Variants in INSL6 observed in about 807,000 individuals in gnomAD.
The protein encoded by INSL6 is insulin-like peptide INSL6.
INSL6 carries 16 observed loss-of-function variants against 9.4 expected under a neutral mutation model. The observed-to-expected ratio is 1.70, with a 90% CI of 1.15 to 2.59. INSL6 has a LOEUF of 2.59. INSL6 is among the 30% of genes most tolerant of loss of function. INSL6 has a pLI of 0.00. For missense variants in INSL6, 391 were observed against 257.3 expected, an observed-to-expected ratio of 1.52 and a Z score of -3.56; for synonymous variants, 154 against 96.9, an observed-to-expected ratio of 1.59 and a Z score of -3.46.
intron 1 of INSL6, among the ~76,000 whole-genome samples, chr9:5,166,396 T>C (rs1237430946): frequency 6.6e-6 from 1 of 152,184 alleles, no homozygotes; most frequent in African/African-American, 2.4e-5. Flanking sequence ...AATAACTTTT[T>C]ATTTAATTAA....
At chr9:5,097,353 T>C in the INSL6 span, 1 of 152,196 alleles carries the variant, frequency 6.6e-6, no homozygotes, top group African/African-American at 2.4e-5. Flanking sequence ...TATATCAACA[T>C]TTATTCTGAT....
At chr9:5,077,678 G>T in the INSL6 span, 1 of 699,356 alleles carries the variant, frequency 1.4e-6, no homozygotes, top group Non-Finnish European at 2.2e-6. Context: ...ATCTGTAATT[G>T]GATGCCAATT....
At chr9:5,183,728 C>G (rs1294161878) in intron 1 of INSL6, among the ~76,000 whole-genome samples, 1 of 151,898 alleles carries the variant, frequency 6.6e-6, no homozygotes, top group African/African-American at 2.4e-5. Flanking sequence ...AGGGAAGGCT[C>G]TCCTTGCACT....
the INSL6 span, among the ~76,000 whole-genome samples, chr9:5,102,769 C>G: frequency 6.6e-6 from 1 of 152,114 alleles, no homozygotes; most frequent in Admixed American, 6.5e-5. Flanking sequence ...ACTTTTCAAC[C>G]CAGAATTTCA....
the INSL6 span, chr9:5,041,784 C>T: frequency 4.1e-6 from 2 of 487,300 alleles, no homozygotes; most frequent in Admixed American, 2.3e-5. Flanking sequence ...CCAGCCTCAG[C>T]TTCGGGACAA....
chr9:5,112,529 C>T, the INSL6 span: 1 of 587,378 alleles, frequency 1.7e-6, no homozygotes, highest in South Asian at 2.3e-5. Flanking sequence ...GAGCAGAAGG[C>T]CGAGTGGGAG....
the INSL6 span, chr9:5,094,246 G>A: frequency 0.33 from 50,068 of 151,924 alleles, 8,487 homozygotes; most frequent in African/African-American, 0.42. Context: ...CTTTTCACCA[G>A]AGAACCCTTA....
At chr9:5,059,258 A>G in the INSL6 span, among the ~76,000 whole-genome samples, 1 of 152,202 alleles carries the variant, frequency 6.6e-6, no homozygotes, top group Non-Finnish European at 1.5e-5. Flanking sequence ...TAAGATACCT[A>G]TCATCTACCA....
At chr9:5,037,441 A>G in the INSL6 span, among the ~76,000 whole-genome samples, 1 of 152,238 alleles carries the variant, frequency 6.6e-6, no homozygotes, top group Non-Finnish European at 1.5e-5. Flanking sequence ...ACAATAACAA[A>G]GACTTGGAAC....
the INSL6 span, chr9:5,111,631 CG>C: frequency 5.3e-5 from 20 of 375,394 alleles, 1 homozygote; most frequent in African/African-American, 4.1e-4. Context: ...CCATGCTGGG[CG>C]GGGGCTCATG....
chr9:5,066,804 C>G, the INSL6 span: 19 of 1,189,702 alleles, frequency 1.6e-5, no homozygotes, highest in South Asian at 1.7e-4. Context: ...GTATGTCACA[C>G]TTATTAGTGG....
chr9:5,034,221 G>A, the INSL6 span, among the ~76,000 whole-genome samples: 1 of 152,070 alleles, frequency 6.6e-6, no homozygotes, highest in African/African-American at 2.4e-5. Flanking sequence ...CCCAATACAG[G>A]AGCACCCAGA....
chr9:5,050,330 C>T, the INSL6 span, among the ~76,000 whole-genome samples: 1 of 152,158 alleles, frequency 6.6e-6, no homozygotes, highest in Admixed American at 6.5e-5. Flanking sequence ...GGGTCTTGGT[C>T]TGTTACCCAG....
At chr9:5,111,619 C>G in the INSL6 span, 1 of 374,136 alleles carries the variant, frequency 2.7e-6, no homozygotes, top group Non-Finnish European at 5.2e-6. Context: ...TGGGCTTTGG[C>G]CCCATGCTGG....
chr9:5,167,370 C>T (rs747511014), intron 1 of INSL6, among the ~76,000 whole-genome samples: 38 of 152,214 alleles, frequency 2.5e-4, no homozygotes, highest in Non-Finnish European at 4.9e-4. Flanking sequence ...ACTGAGACCA[C>T]GAGTTCCTGG....
chr9:5,081,463 G>A, the INSL6 span, among the ~76,000 whole-genome samples: 1 of 152,046 alleles, frequency 6.6e-6, no homozygotes, highest in Non-Finnish European at 1.5e-5. Flanking sequence ...ATAAGTATCA[G>A]TATATTACCT....
chr9:5,051,092 A>G, the INSL6 span, among the ~76,000 whole-genome samples: 2 of 152,320 alleles, frequency 1.3e-5, no homozygotes, highest in African/African-American at 4.8e-5. Context: ...TTGACGTTCA[A>G]AAAGTTCTGG....
At chr9:5,037,786 A>G in the INSL6 span, among the ~76,000 whole-genome samples, 7 of 152,186 alleles carry the variant, frequency 4.6e-5, no homozygotes, top group Non-Finnish European at 1.0e-4. Context: ...CAGCACACCA[A>G]CATGGCACAT....
At chr9:5,114,932 AAAACAAAC>A in the INSL6 span, 514 of 178,384 alleles carry the variant, frequency 2.9e-3, 9 homozygotes, top group Admixed American at 0.029. Context: ...GCCTGCTCAG[AAAACAAAC>A]AAACAAACAA....
Sources: gnomAD v4.1 joint callset for allele counts (sites outside exome capture counted in the v4.1 genomes callset) on GRCh38, gnomAD v4.1.1 for gene constraint, MANE v1.5 for transcripts, NCBI Gene and HGNC (gene_info 2026-07-23, HGNC 2026-07-21) for gene names.